Variants in PHYH observed in about 807,000 individuals in gnomAD.
The protein encoded by PHYH is phytanoyl-CoA 2-hydroxylase.
A neutral mutation model predicts 38.5 loss-of-function variants in PHYH; 32 were observed. The observed-to-expected ratio is 0.83, with a 90% CI of 0.63 to 1.12. The LOEUF is 1.12. PHYH is among the 50% of genes most tolerant of loss of function. The pLI is 0.00. For missense variants in PHYH, 426 were observed against 434.8 expected (o/e 0.98, Z 0.18); for synonymous variants, 166 against 157.9 (o/e 1.05, Z -0.38).
chr10:13,300,017 C>T lies in PHYH; in HGVS notation c.26G>A (p.Arg9His), dbSNP rs767764296. The change falls in exon 1 of 9, where the codon CGT becomes CAT. Residue 9 changes from arginine to histidine, a missense_variant. Physicochemically the swap from Arg to His is conservative, Grantham distance 29. Coordinates refer to ENST00000263038, the MANE Select transcript of PHYH (RefSeq NM_006214.4). ...GAGGTGGCCCAGAACAATCTGCAGA[C>T]GGGCGGCGGCGCGAAGCTGCTCCAT... MEQLRAAARLQIVLGHLGR... is the reference protein window; with the variant it reads MEQLRAAAHLQIVLGHLGR... The T allele has an allele frequency of 2.0e-6, 3 of 1,532,454 alleles. No individual in the cohort carries two copies. In the South Asian group the frequency reaches 3.6e-5, roughly 18 times the overall value. 94.9% of individuals were successfully genotyped at this position (1,532,454 alleles called of 1,614,324 possible). A position where few individuals can be genotyped will look rare whatever the true frequency, so the allele number is the denominator to read the frequency against.
chr10:13,286,890 G>C (rs753660232), intron 6 of PHYH, among the ~76,000 whole-genome samples: 11 of 152,184 alleles, frequency 7.2e-5, no homozygotes, highest in Non-Finnish European at 1.5e-4. Flanking sequence ...TGGTTGCCTA[G>C]AGCAGGGAGA....
Position 13,296,515 on chromosome 10 carries a change from A to ATTGCACCAGTGCAC in PHYH, c.135-923_135-910dup, listed in dbSNP as rs576322487. 3.5e-3 allele frequency among the ~76,000 whole-genome samples: 516 copies of ATTGCACCAGTGCAC among 147,142 alleles called. 3 individuals are homozygous for ATTGCACCAGTGCAC. Among genetic ancestry groups the ATTGCACCAGTGCAC allele is most frequent in the East Asian group, 0.035 (170 of 4,874 alleles). On this transcript the variant is annotated intron_variant, in intron 2 of 8. Coordinates refer to ENST00000263038, the MANE Select transcript of PHYH (RefSeq NM_006214.4). ...GGGGTGGAGATTGCAGTGAGCCAGG[A>ATTGCACCAGTGCAC]TTGCACCAGTGCACTCCAGCCTGGG...
At chr10:13,297,416 T>G (rs536413506) in intron 2 of PHYH, among the ~76,000 whole-genome samples, 1 of 145,300 alleles carries the variant, frequency 6.9e-6, no homozygotes, top group African/African-American at 2.5e-5. Flanking sequence ...AGATGCTAGC[T>G]AATATGTCCA....
At chr10:13,296,605 TTAAC>T (rs573088460) in intron 2 of PHYH, among the ~76,000 whole-genome samples, 180 of 136,234 alleles carry the variant, frequency 1.3e-3, no homozygotes, top group African/African-American at 4.6e-3. Flanking sequence ...GGAAGAAAAA[TTAAC>T]TAGTGACACT....
At chr10:13,286,632 C>G (rs147002664) in intron 6 of PHYH, among the ~76,000 whole-genome samples, 2 of 149,282 alleles carry the variant, frequency 1.3e-5, no homozygotes, top group African/African-American at 4.9e-5. Context: ...ACAAGGGAGT[C>G]GGAGGTTGCA....
At chr10:13,299,450 A>G (rs1275103175) in intron 1 of PHYH, 20 of 1,001,694 alleles carry the variant, frequency 2.0e-5, no homozygotes, top group Non-Finnish European at 2.3e-5. Context: ...GTGTCTTTAT[A>G]TAACTCAGTG....
chr10:13,298,773 A>G (rs1053066858), intron 1 of PHYH, among the ~76,000 whole-genome samples: 2 of 119,956 alleles, frequency 1.7e-5, no homozygotes, highest in African/African-American at 6.1e-5. Context: ...TGCTACTACT[A>G]CTACTACTAA....
chr10:13,278,190 G>T lies in PHYH; in HGVS notation c.*111C>A, dbSNP rs1835333078. 1 of 769,920 alleles carries T rather than the reference G, an allele frequency of 1.3e-6. No homozygotes were observed. Among genetic ancestry groups the T allele is most frequent in the African/African-American group, 1.7e-5 (1 of 58,282 alleles). The allele number at this position is 769,920 out of a possible 1,614,324, so 47.7% of individuals were successfully genotyped here. ...ATTAAGTACCTGATACATGTTTTCTGCTTTTAACAAGTGATAGAAAAGGTT... is the reference window on the plus strand; with the variant it reads ...ATTAAGTACCTGATACATGTTTTCTTCTTTTAACAAGTGATAGAAAAGGTT... On this transcript the variant is annotated 3_prime_UTR_variant, in exon 9 of 9. Coordinates refer to ENST00000263038, the MANE Select transcript of PHYH (RefSeq NM_006214.4).
intron 1 of PHYH, among the ~76,000 whole-genome samples, chr10:13,298,922 AAATAATAATAATAATAAT>A (rs61660763): frequency 6.7e-4 from 39 of 58,072 alleles, no homozygotes; most frequent in East Asian, 3.9e-3. Flanking sequence ...TCCGTCTCAA[AAATAATAATAATAATAAT>A]AATAATAATA....
Position 13,295,626 on chromosome 10 carries a change from C to T in PHYH, c.135-20G>A, listed in dbSNP as rs1365670116. ...GTATACCTAAAGGAGAAAAAGAATC[C>T]CAAAATAAGTTACATTTTTAAATTA... On this transcript the variant is annotated intron_variant, in intron 2 of 8. Coordinates refer to ENST00000263038, the MANE Select transcript of PHYH (RefSeq NM_006214.4). The T allele has an allele frequency of 1.0e-6, 1 of 977,240 alleles. No individual in the cohort carries two copies. Among genetic ancestry groups the T allele is most frequent in the Middle Eastern group, 2.4e-4 (1 of 4,182 alleles). 60.5% of individuals were successfully genotyped at this position (977,240 alleles called of 1,614,324 possible). A position where few individuals can be genotyped will look rare whatever the true frequency, so the allele number is the denominator to read the frequency against.
chr10:13,294,047 C>A (rs2992491), intron 4 of PHYH, among the ~76,000 whole-genome samples: 1 of 151,514 alleles, frequency 6.6e-6, no homozygotes, highest in Non-Finnish European at 1.5e-5. Flanking sequence ...ACTAAAAATA[C>A]AAAAATTAGC....
intron 7 of PHYH, among the ~76,000 whole-genome samples, chr10:13,281,894 A>G (rs1191014563): frequency 6.6e-6 from 1 of 152,204 alleles, no homozygotes; most frequent in Non-Finnish European, 1.5e-5. Context: ...GCAAAGGGAA[A>G]ACACGCACCC....
chr10:13,299,786 C>T (rs1386327488), intron 1 of PHYH, 182 bp downstream of exon 1: 7 of 1,312,258 alleles, frequency 5.3e-6, no homozygotes, highest in Non-Finnish European at 6.8e-6. Flanking sequence ...GGGGACGCAG[C>T]CTCTTCCCCG....
At chr10:13,295,463 A>G (rs1426900110) in intron 3 of PHYH, 33 bp downstream of exon 3, 2 of 1,004,896 alleles carry the variant, frequency 2.0e-6, no homozygotes, top group South Asian at 1.3e-5. Flanking sequence ...CACAATACAT[A>G]CTATTGTAAA....
Position 13,299,145 on chromosome 10 carries a change from C to A in PHYH, c.75+823G>T, listed in dbSNP as rs1294990957. ...GCCCTGTTTCAAAAAAAAAAAAAAA[C>A]CAAAAAAGCAAAACCCTAGAAATTC... On this transcript the variant is annotated intron_variant, in intron 1 of 8. Coordinates refer to ENST00000263038, the MANE Select transcript of PHYH (RefSeq NM_006214.4). Among the ~76,000 whole-genome samples the A allele has an allele frequency of 1.3e-4, 17 of 126,624 alleles. 1 individual carries two copies. Among genetic ancestry groups the A allele is most frequent in the Admixed American group, 3.3e-4 (4 of 12,198 alleles). The allele number at this position is 126,624 out of a possible 152,430, so 83.1% of individuals were successfully genotyped here.
intron 1 of PHYH, 35 bp from the exon 2 acceptor site, chr10:13,298,280 T>C (rs761556479): frequency 3.0e-5 from 42 of 1,420,584 alleles, no homozygotes; most frequent in Admixed American, 2.7e-4. Context: ...AAGTAAAATA[T>C]AGAAGGCCAG....
intron 6 of PHYH, among the ~76,000 whole-genome samples, chr10:13,288,086 G>A (rs957323226): frequency 1.1e-4 from 17 of 152,080 alleles, no homozygotes; most frequent in Admixed American, 5.2e-4. Context: ...CGACTGAGGC[G>A]GGAGGATGGC....
chr10:13,283,784 C>T lies in PHYH; in HGVS notation c.734G>A (p.Arg245Gln), dbSNP rs62619919. The T allele has an allele frequency of 7.3e-3, 11,728 of 1,613,820 alleles. 82 individuals carry two copies. The highest frequency in any genetic ancestry group is 0.013 in the South Asian group (1,191 of 91,068). The change falls in exon 7 of 9, where the codon CGG becomes CAG. Residue 245 changes from arginine to glutamine, a missense_variant. Coordinates refer to ENST00000263038, the MANE Select transcript of PHYH (RefSeq NM_006214.4). ...GCCCTTCTCCATCACCAGGTGCACCCGGGCCTTGTTTTCCTCGTAGTCCTG... is the reference window on the plus strand; with the variant it reads ...GCCCTTCTCCATCACCAGGTGCACCTGGGCCTTGTTTTCCTCGTAGTCCTG... The part of the protein sequence containing the change: ...GIQDYEENKA[R>Q]VHLVMEKGDT...
intron 1 of PHYH, among the ~76,000 whole-genome samples, chr10:13,299,140 A>C (rs1443712777): frequency 6.6e-6 from 1 of 150,490 alleles, no homozygotes; most frequent in Non-Finnish European, 1.5e-5. Flanking sequence ...AAAAAAAAAA[A>C]AAAACCAAAA....
Sources: gnomAD v4.1 joint callset for allele counts (sites outside exome capture counted in the v4.1 genomes callset) on GRCh38, gnomAD v4.1.1 for gene constraint, MANE v1.5 for transcripts, NCBI Gene and HGNC (gene_info 2026-07-23, HGNC 2026-07-21) for gene names.